SEMA6C: variants seen among roughly 807,000 people sequenced by gnomAD.
The protein encoded by SEMA6C is semaphorin 6C.
In SEMA6C, 37 loss-of-function variants were observed where a neutral mutation model predicts 72.9. The ratio of observed to expected loss-of-function variants is 0.51; its 90% CI spans 0.39 to 0.67. The LOEUF is 0.67. SEMA6C is among the 30% of genes least tolerant of loss of function. The pLI is 0.00. For missense variants in SEMA6C, 1,189 were observed against 1,263.6 expected (o/e 0.94, Z 0.89); for synonymous variants, 578 against 554.1 (o/e 1.04, Z -0.61).
chr1:151,137,294 A>G (rs2101627192), intron 10 of SEMA6C, among the ~76,000 whole-genome samples: 1 of 152,094 alleles, frequency 6.6e-6, no homozygotes, highest in East Asian at 1.9e-4. Flanking sequence ...AAATACAAAC[A>G]AATTAGCCGG....
chr1:151,139,948 C>T, intron 4 of SEMA6C, 28 bp downstream of exon 4: 2 of 1,601,416 alleles, frequency 1.2e-6, no homozygotes, highest in Non-Finnish European at 1.7e-6. Context: ...TGCATGTCTG[C>T]CCCACAACTG....
chr1:151,135,175 C>G lies in SEMA6C; in HGVS notation c.1568G>C (p.Gly523Ala). 1 of 1,613,936 alleles carries G rather than the reference C, an allele frequency of 6.2e-7. No homozygotes were observed. The highest frequency in any genetic ancestry group is 8.5e-7 in the Non-Finnish European group (1 of 1,179,876). ...AGGCCCCTCTCACCTCTGACAGGCC[C>G]CATGCCGGGCACACCGGCTGAGAGG... The part of the protein sequence containing the change: ...YLPLSRCARH[G>A]ACQRSCLASQ... The change falls in exon 15 of 19, where the codon GGG becomes GCG. Residue 523 changes from glycine (G) to alanine (A), a missense_variant. Gly to Ala is a moderately conservative substitution (Grantham distance 60, BLOSUM62 0). This residue lies in a region of SEMA6C where 721 missense variants were observed against 686.2 expected (regional missense o/e 1.05). Coordinates refer to ENST00000368914, the MANE Select transcript of SEMA6C (RefSeq NM_030913.6).
intron 3 of SEMA6C, among the ~76,000 whole-genome samples, chr1:151,140,806 A>G (rs1009910044): frequency 3.9e-5 from 6 of 152,202 alleles, no homozygotes; most frequent in East Asian, 1.9e-4. Flanking sequence ...CATCCTGGCT[A>G]ACATGGTGAA....
At chr1:151,137,824 G>A (rs1682181746) in intron 9 of SEMA6C, 25 bp from the exon 10 acceptor site, 1 of 1,605,790 alleles carries the variant, frequency 6.2e-7, no homozygotes, top group African/African-American at 1.3e-5. Context: ...GACAGGAAAG[G>A]GTATAGAAGA....
Position 151,138,413 on chromosome 1 carries a change from G to A in SEMA6C, c.457-7C>T, listed in dbSNP as rs762159344. ...CCTGCTGCAGCGAAGTTATCTGAGG[G>A]CAGAGGGAGCAGATGCCTGGAACCT... On this transcript the variant is annotated splice_region_variant and splice_polypyrimidine_tract_variant and intron_variant, in intron 7 of 18. Coordinates refer to ENST00000368914, the MANE Select transcript of SEMA6C (RefSeq NM_030913.6). 6.2e-6 allele frequency: 10 copies of A among 1,611,312 alleles called. No individual in the cohort carries two copies. Among genetic ancestry groups the A allele is most frequent in the Non-Finnish European group, 6.8e-6 (8 of 1,178,556 alleles).
At chr1:151,134,973 G>A (rs114290356) in intron 15 of SEMA6C, 98 bp from the exon 16 acceptor site, 5 of 1,369,514 alleles carry the variant, frequency 3.7e-6, no homozygotes, top group Non-Finnish European at 5.2e-6. Context: ...GAGGCTCCCA[G>A]CCTCATTCTC....
rs908227061 is a variant in SEMA6C at position 151,145,411 on chromosome 1, G to T, written c.-104-977C>A. On this transcript the variant is annotated intron_variant, in intron 1 of 18. Transcript: ENST00000368914. The surrounding 1 kb of genome is among the most constrained non-coding windows in gnomAD (Gnocchi z 4.4). ...TCGCGCCAAGGAGCCTGTGGAACCG[G>T]AGCTTTCCTTTCTCCAAGCCATTTC... 1 of 152,546 alleles carries T rather than the reference G, an allele frequency of 6.6e-6. No homozygotes were observed. Among genetic ancestry groups the T allele is most frequent in the African/African-American group, 2.4e-5 (1 of 41,458 alleles). 9.4% of individuals were successfully genotyped at this position (152,546 alleles called of 1,614,324 possible).
intron 18 of SEMA6C, chr1:151,134,197 C>T (rs2101613890): frequency 1.3e-6 from 1 of 749,286 alleles, no homozygotes; most frequent in Non-Finnish European, 2.2e-6. Flanking sequence ...GGGAAGGGCT[C>T]ATCATGCAGG....
chr1:151,132,508 CG>C lies in SEMA6C; in HGVS notation c.2768del (p.Pro923ArgfsTer76). The C allele has an allele frequency of 6.5e-7, 1 of 1,549,672 alleles. No homozygotes were observed. On this transcript the variant is annotated frameshift_variant, in exon 19 of 19. Transcript: ENST00000368914. LOFTEE classifies it high-confidence loss of function. ...LVGPSSRQAV[P>X]NGGRFNF is the part of the protein sequence containing the mutation. ...TTTAAAAGTTGAAACGGCCGCCGTT[CG>C]GGACGGCCTGGCGGGAGGAGGGCCC...
At chr1:151,138,196 G>T in intron 8 of SEMA6C, 91 bp from the exon 9 acceptor site, 3 of 1,586,762 alleles carry the variant, frequency 1.9e-6, no homozygotes, top group East Asian at 2.2e-5. Context: ...CCTAGGCCTG[G>T]CCCTGGTCCC....
At position 151,133,630 on chromosome 1, in the gene SEMA6C, A is replaced by G. The variant is rs973467205; in HGVS notation, c.1760-113T>C. On this transcript the variant is annotated intron_variant, in intron 18 of 18. Coordinates refer to ENST00000368914, the MANE Select transcript of SEMA6C (RefSeq NM_030913.6). This position sits in a 1 kb window ranked among gnomAD's most constrained non-coding sequence, Gnocchi z 5.9. ...TGACATCATCGTCCCTCCCGCTGCT[A>G]CTCAGCCTCACTCCTACAGCCTCCA... 88 of 1,416,516 alleles carry G rather than the reference A, an allele frequency of 6.2e-5. No individual in the cohort carries two copies. In the African/African-American group the frequency reaches 1.2e-3, roughly 20 times the overall value. 87.7% of individuals were successfully genotyped at this position (1,416,516 alleles called of 1,614,324 possible). A position where few individuals can be genotyped will look rare whatever the true frequency, so the allele number is the denominator to read the frequency against.
At position 151,132,785 on chromosome 1, in the gene SEMA6C, G is replaced by A. The variant is rs1043939901; in HGVS notation, c.2492C>T (p.Ala831Val). The A allele has an allele frequency of 4.5e-5, 62 of 1,367,218 alleles. No individual in the cohort carries two copies. The highest frequency in any genetic ancestry group is 1.2e-4 in the East Asian group (4 of 33,456). 84.7% of individuals were successfully genotyped at this position (1,367,218 alleles called of 1,614,324 possible). Reference sequence around the variant, plus strand: ...GGCGGAGAGCGCGGGCCGGGCGGGGGCAGAGGCGCACCTGCCCTCGGGGGG... The same window carrying A: ...GGCGGAGAGCGCGGGCCGGGCGGGGACAGAGGCGCACCTGCCCTCGGGGGG... Reference protein sequence around the residue: ...DVPPEGRCASAPARPALSAPA... With the variant: ...DVPPEGRCASVPARPALSAPA... The change falls in exon 19 of 19, where the codon GCC becomes GTC. Residue 831 changes from alanine to valine, a missense_variant. This residue lies in a region of SEMA6C where 721 missense variants were observed against 686.2 expected (regional missense o/e 1.05). Coordinates refer to ENST00000368914, the MANE Select transcript of SEMA6C (RefSeq NM_030913.6).
intron 13 of SEMA6C, 94 bp from the exon 14 acceptor site, chr1:151,135,858 CT>C: frequency 1.3e-6 from 2 of 1,520,164 alleles, no homozygotes; most frequent in Non-Finnish European, 9.0e-7. Context: ...TGCCTGTGCC[CT>C]TCCCCCAGGC....
rs1245567331 is a variant in SEMA6C at position 151,132,335 on chromosome 1, C to T, written c.*149G>A. The T allele has an allele frequency of 6.5e-7, 1 of 1,542,154 alleles. No individual in the cohort carries two copies. The highest frequency in any genetic ancestry group is 1.2e-5 in the South Asian group (1 of 82,942). ...GGGGAAAGACAGTCAATAAATAAAC[C>T]CGAGGCGAAAAGGGGCCTCGGGAGA... On this transcript the variant is annotated 3_prime_UTR_variant, in exon 19 of 19. Transcript: ENST00000368914.
intron 9 of SEMA6C, 65 bp downstream of exon 9, chr1:151,137,921 C>T (rs916371340): frequency 1.1e-5 from 18 of 1,592,522 alleles, no homozygotes; most frequent in Non-Finnish European, 1.5e-5. Flanking sequence ...GCCTGCTCCC[C>T]GCCACAGTCC....
chr1:151,137,804 G>A lies in SEMA6C; in HGVS notation c.668-5C>T, dbSNP rs755427935. ...AGGCCTGGACAAAGTGTGGCTCTAA[G>A]ATGGGGAATGACAGGAAAGGGTATA... On this transcript the variant is annotated splice_region_variant and splice_polypyrimidine_tract_variant and intron_variant, in intron 9 of 18. Transcript: ENST00000368914. 1 of 1,612,494 alleles carries A rather than the reference G, an allele frequency of 6.2e-7. No individual in the cohort carries two copies. The highest frequency in any genetic ancestry group is 8.5e-7 in the Non-Finnish European group (1 of 1,178,806).
rs1344918568 is a variant in SEMA6C at position 151,133,530 on chromosome 1, AG to A, written c.1760-14del. On this transcript the variant is annotated splice_polypyrimidine_tract_variant and intron_variant, in intron 18 of 18. Coordinates refer to ENST00000368914, the MANE Select transcript of SEMA6C (RefSeq NM_030913.6). The surrounding 1 kb of genome is among the most constrained non-coding windows in gnomAD (Gnocchi z 5.9). ...TCCCGGCGCACGCCTGCCGACCGAG[AG>A]GGAGGAGGGAGGCTCAGCCAAGGGG... The A allele has an allele frequency of 6.7e-7, 1 of 1,491,022 alleles. No individual in the cohort carries two copies. Among genetic ancestry groups the A allele is most frequent in the African/African-American group, 1.4e-5 (1 of 71,026 alleles). 92.4% of individuals were successfully genotyped at this position (1,491,022 alleles called of 1,614,324 possible).
chr1:151,132,176 G>T lies in SEMA6C; in HGVS notation c.*308C>A, dbSNP rs775494344. ...GCGGCCCGCCCGGGGCACAGTCTCT[G>T]GGGGAGCCCCGAGGGGCGAGTTAAG... On this transcript the variant is annotated 3_prime_UTR_variant, in exon 19 of 19. Coordinates refer to ENST00000368914, the MANE Select transcript of SEMA6C (RefSeq NM_030913.6). 3 of 1,426,610 alleles carry T rather than the reference G, an allele frequency of 2.1e-6. No individual in the cohort carries two copies. Among genetic ancestry groups the T allele is most frequent in the South Asian group, 1.2e-5 (1 of 81,568 alleles). 88.4% of individuals were successfully genotyped at this position (1,426,610 alleles called of 1,614,324 possible).
chr1:151,134,126 T>G, intron 18 of SEMA6C: 1 of 1,140,120 alleles, frequency 8.8e-7, no homozygotes, highest in Non-Finnish European at 1.2e-6. Context: ...CCAGGGGTCC[T>G]TCCTCCCTCC....
Sources: allele counts gnomAD v4.1 joint callset (sites outside exome capture counted in the v4.1 genomes callset), GRCh38; gene constraint gnomAD v4.1.1; regional missense constraint gnomAD v4.1.1; non-coding constraint Gnocchi (gnomAD v3.1); transcripts MANE v1.5; gene names NCBI Gene and HGNC (gene_info 2026-07-23, HGNC 2026-07-21).